The following CHSY3 variants were observed in gnomAD, a reference collection of about 807,000 sequenced individuals.
CHSY3 encodes chondroitin sulfate synthase 3.
Under a neutral mutation model 67.2 loss-of-function variants are expected in CHSY3, and 35 were observed. The ratio of observed to expected loss-of-function variants is 0.52; its 90% CI spans 0.40 to 0.69. The LOEUF is 0.69. Ranked by LOEUF, CHSY3 falls within the 30% of genes least tolerant of loss-of-function variation. The pLI, the probability that CHSY3 is intolerant of heterozygous loss-of-function variation, is 0.00. For synonymous variants in CHSY3, 474 were observed against 434.7 expected (o/e 1.09, Z -1.12); for missense variants, 1,069 against 1,138.5 (o/e 0.94, Z 0.88).
chr5:129,976,056 T>A (rs1762798553), intron 2 of CHSY3, among the ~76,000 whole-genome samples: 1 of 151,056 alleles, frequency 6.6e-6, no homozygotes, highest in South Asian at 2.1e-4. Flanking sequence ...TAAATAAAAA[T>A]AAAATAAAAC....
chr5:130,052,578 C>T (rs137880234), intron 2 of CHSY3, among the ~76,000 whole-genome samples: 1 of 152,036 alleles, frequency 6.6e-6, no homozygotes, highest in African/African-American at 2.4e-5. Context: ...ATTTTATGAA[C>T]TGCTGTGAGA....
rs567937264 is a variant in CHSY3 at position 129,994,290 on chromosome 5, A to G, written c.1086+85930A>G. Among the ~76,000 whole-genome samples the G allele has an allele frequency of 3.3e-5, 5 of 152,262 alleles. No individual in the cohort carries two copies. In the East Asian group the frequency reaches 7.7e-4, roughly 24 times the overall value. On this transcript the variant is annotated intron_variant, in intron 2 of 2. Coordinates refer to ENST00000305031, the MANE Select transcript of CHSY3 (RefSeq NM_175856.5). The stretch of plus-strand genomic sequence containing the variant: ...CTAGATTGGGGAAGTTCTCCTGGAT[A>G]ATATCCTGCAGAGTGTTTTCCAACT...
chr5:130,162,964 C>T (rs1027660063), intron 2 of CHSY3, among the ~76,000 whole-genome samples: 2 of 152,146 alleles, frequency 1.3e-5, no homozygotes, highest in African/African-American at 4.8e-5. Context: ...TTATTTGTCA[C>T]CAAACAAGCA....
At chr5:130,155,932 T>C (rs1769365219) in intron 2 of CHSY3, among the ~76,000 whole-genome samples, 1 of 152,240 alleles carries the variant, frequency 6.6e-6, no homozygotes. Context: ...GTAATCTATT[T>C]TGCAATCTCA....
At chr5:130,143,773 T>C (rs1255813001) in intron 2 of CHSY3, among the ~76,000 whole-genome samples, 1 of 90,514 alleles carries the variant, frequency 1.1e-5, no homozygotes, top group Non-Finnish European at 1.9e-5. Flanking sequence ...TGTGTGTATA[T>C]ATATATATGT....
intron 2 of CHSY3, among the ~76,000 whole-genome samples, chr5:130,090,389 T>A (rs1193162682): frequency 6.6e-6 from 1 of 152,108 alleles, no homozygotes; most frequent in Non-Finnish European, 1.5e-5. Flanking sequence ...ACAACTTAAG[T>A]CTCCCACAGT....
At chr5:130,029,926 A>G (rs964655982) in intron 2 of CHSY3, among the ~76,000 whole-genome samples, 1 of 152,128 alleles carries the variant, frequency 6.6e-6, no homozygotes, top group African/African-American at 2.4e-5. Flanking sequence ...TCTCTTTTGT[A>G]TAGCCAAAAA....
At chr5:130,070,481 T>C (rs1360074739) in intron 2 of CHSY3, among the ~76,000 whole-genome samples, 1 of 152,072 alleles carries the variant, frequency 6.6e-6, no homozygotes, top group Admixed American at 6.6e-5. Flanking sequence ...TACATCACAG[T>C]AAGTTTTATG....
At chr5:130,114,141 G>A (rs1032302542) in intron 2 of CHSY3, among the ~76,000 whole-genome samples, 45 of 152,078 alleles carry the variant, frequency 3.0e-4, no homozygotes, top group African/African-American at 1.1e-3. Flanking sequence ...TCCAAATGCA[G>A]TGATTATTGA....
At chr5:130,084,879 G>C (rs1440079088) in intron 2 of CHSY3, among the ~76,000 whole-genome samples, 1 of 151,944 alleles carries the variant, frequency 6.6e-6, no homozygotes, top group Non-Finnish European at 1.5e-5. Context: ...AAATTGTAGA[G>C]ACTAAGGTTT....
intron 2 of CHSY3, among the ~76,000 whole-genome samples, chr5:130,153,724 C>G (rs1769294470): frequency 6.6e-6 from 1 of 152,150 alleles, no homozygotes; most frequent in South Asian, 2.1e-4. Context: ...TCTGTTGGGT[C>G]AAAATGCTAG....
intron 2 of CHSY3, among the ~76,000 whole-genome samples, chr5:129,992,699 T>C (rs1022341296): frequency 1.3e-5 from 2 of 152,192 alleles, no homozygotes; most frequent in South Asian, 4.1e-4. Flanking sequence ...TATGATGTGC[T>C]TTATGGCAAG....
intron 2 of CHSY3, among the ~76,000 whole-genome samples, chr5:130,143,784 G>GTGTATATATATATATATATATATATA (rs1179526892): frequency 1.4e-5 from 1 of 73,844 alleles, no homozygotes; most frequent in Non-Finnish European, 2.3e-5. Flanking sequence ...ATATATATGT[G>GTGTATATATATATATATATATATATA]TATATATATA....
intron 2 of CHSY3, among the ~76,000 whole-genome samples, chr5:129,923,555 G>A (rs1322046652): frequency 6.6e-6 from 1 of 152,154 alleles, no homozygotes; most frequent in Non-Finnish European, 1.5e-5. Context: ...TGAATGCAGG[G>A]TGGTAGGTGT....
intron 2 of CHSY3, among the ~76,000 whole-genome samples, chr5:129,974,406 T>C (rs572564615): frequency 6.6e-6 from 1 of 152,258 alleles, no homozygotes; most frequent in South Asian, 2.1e-4. Context: ...AACTGTAATA[T>C]ATAAAATGTG....
At chr5:129,981,258 G>A (rs1762978340) in intron 2 of CHSY3, among the ~76,000 whole-genome samples, 2 of 151,752 alleles carry the variant, frequency 1.3e-5, no homozygotes, top group African/African-American at 4.8e-5. Flanking sequence ...TATTTATGTG[G>A]ATCTATTTCT....
chr5:129,964,346 C>A (rs899126497), intron 2 of CHSY3, among the ~76,000 whole-genome samples: 17 of 151,892 alleles, frequency 1.1e-4, no homozygotes, highest in African/African-American at 4.1e-4. Context: ...CTAGCATCTT[C>A]TGTTTCATCA....
In CHSY3 at chr5:130,067,280, G is replaced by A. The variant is rs528130252; in HGVS notation, c.1087-116949G>A. On this transcript the variant is annotated intron_variant, in intron 2 of 2. Coordinates refer to ENST00000305031, the MANE Select transcript of CHSY3 (RefSeq NM_175856.5). ...ATCCTGTGTGTTTCTCTATGGATTT[G>A]TCAGCATTTTATATTTTCATTAGAT... 5.9e-5 allele frequency among the ~76,000 whole-genome samples: 9 copies of A among 152,146 alleles called. No individual in the cohort carries two copies. The South Asian group carries it at 1.9e-3, about 32-fold the overall frequency.
intron 2 of CHSY3, among the ~76,000 whole-genome samples, chr5:130,015,751 GA>G (rs1764202181): frequency 6.6e-6 from 1 of 152,152 alleles, no homozygotes; most frequent in Admixed American, 6.5e-5. Flanking sequence ...CAAAGGAATA[GA>G]AATCATTCTA....
Sources: allele counts gnomAD v4.1 joint callset (sites outside exome capture counted in the v4.1 genomes callset), GRCh38; gene constraint gnomAD v4.1.1; transcripts MANE v1.5; gene names NCBI Gene and HGNC (gene_info 2026-07-23, HGNC 2026-07-21).